Variants in RBBP8 observed in about 807,000 individuals in gnomAD.
RBBP8 encodes RB binding protein 8, endonuclease, also known as DNA endonuclease RBBP8.
RBBP8 carries 88 observed loss-of-function variants against 108.3 expected under a neutral mutation model. That is an observed-to-expected ratio of 0.81 (90% CI 0.68 to 0.97). RBBP8 has a LOEUF of 0.97. Ranked by LOEUF, RBBP8 falls within the 50% of genes least tolerant of loss-of-function variation. The probability of loss-of-function intolerance (pLI) is 0.00; values close to 1 mark genes in which losing one functional copy is unlikely to be tolerated. For synonymous variants in RBBP8, 332 were observed against 348.2 expected, an observed-to-expected ratio of 0.95 and a Z score of 0.52; for missense variants, 1,023 against 1,049.0, an observed-to-expected ratio of 0.98 and a Z score of 0.34.
chr18:22,978,017 A>G (rs986359927), intron 6 of RBBP8: 1 of 152,204 alleles, frequency 6.6e-6, no homozygotes, highest in Admixed American at 6.5e-5. Context: ...TAAGAAATCA[A>G]TATTCTAGGT....
At chr18:22,938,897 TAAA>T (rs1910812961) in intron 2 of RBBP8, among the ~76,000 whole-genome samples, 1 of 152,208 alleles carries the variant, frequency 6.6e-6, no homozygotes, top group African/African-American at 2.4e-5. Context: ...AAATAACAGT[TAAA>T]AGGTTTTTAT....
intron 14 of RBBP8, among the ~76,000 whole-genome samples, chr18:22,998,914 A>G (rs1468456428): frequency 1.3e-5 from 2 of 152,326 alleles, no homozygotes; most frequent in African/African-American, 4.8e-5. Flanking sequence ...TTGCCATTTT[A>G]TGGCTTGTAT....
intron 3 of RBBP8, among the ~76,000 whole-genome samples, chr18:22,924,303 GT>G (rs1202618134): frequency 1.3e-5 from 2 of 150,980 alleles, no homozygotes; most frequent in Non-Finnish European, 3.0e-5. Context: ...TAATTTTTGT[GT>G]TTTTAGTAGA....
At chr18:22,999,542 C>T (rs1256386574) in intron 14 of RBBP8, among the ~76,000 whole-genome samples, 1 of 151,864 alleles carries the variant, frequency 6.6e-6, no homozygotes, top group Non-Finnish European at 1.5e-5. Flanking sequence ...TCTGCACAGG[C>T]ATAAAGCGAA....
chr18:22,937,077 T>C, intron 2 of RBBP8, 117 bp downstream of exon 2: 1 of 1,520,136 alleles, frequency 6.6e-7, no homozygotes, highest in Non-Finnish European at 8.8e-7. Flanking sequence ...GTTCCGGGGG[T>C]ACATGTGCAG....
chr18:23,017,425 G>A (rs1033944089), intron 17 of RBBP8, among the ~76,000 whole-genome samples: 3 of 151,318 alleles, frequency 2.0e-5, no homozygotes, highest in South Asian at 2.1e-4. Flanking sequence ...AGGCCAAGGC[G>A]GGCGGATCAC....
chr18:22,964,630 T>TTTTTA (rs546091335), intron 4 of RBBP8, among the ~76,000 whole-genome samples: 4,762 of 150,732 alleles, frequency 0.032, 92 homozygotes, highest in South Asian at 0.058. Context: ...TAATTTTTAA[T>TTTTTA]TTTTATTTTA....
At chr18:23,024,983 C>T (rs2046430276) in intron 18 of RBBP8, among the ~76,000 whole-genome samples, 1 of 152,204 alleles carries the variant, frequency 6.6e-6, no homozygotes, top group African/African-American at 2.4e-5. Context: ...CACAGTATCT[C>T]ACACCTATAA....
intron 2 of RBBP8, among the ~76,000 whole-genome samples, chr18:22,942,537 G>A (rs1462916736): frequency 6.6e-5 from 10 of 151,992 alleles, no homozygotes; most frequent in South Asian, 2.1e-4. Flanking sequence ...ATTTATGACC[G>A]AGTTTTTATA....
chr18:23,002,260 T>A (rs1199658820), intron 15 of RBBP8, among the ~76,000 whole-genome samples: 4 of 152,024 alleles, frequency 2.6e-5, no homozygotes, highest in Admixed American at 2.6e-4. Flanking sequence ...CTACAAAAAT[T>A]AGCTCGGCAT....
At chr18:23,025,783 A>G (rs2046441612) in intron 18 of RBBP8, among the ~76,000 whole-genome samples, 1 of 152,214 alleles carries the variant, frequency 6.6e-6, no homozygotes, top group South Asian at 2.1e-4. Context: ...TGGAATAAGA[A>G]AGAGCTTGGG....
At chr18:22,994,964 C>G (rs2144715613) in intron 12 of RBBP8, among the ~76,000 whole-genome samples, 1 of 151,718 alleles carries the variant, frequency 6.6e-6, no homozygotes, top group Non-Finnish European at 1.5e-5. Flanking sequence ...GGACTCAAGC[C>G]ATCTGCCTGC....
At chr18:23,002,377 C>T (rs1295049140) in intron 15 of RBBP8, among the ~76,000 whole-genome samples, 2 of 152,066 alleles carry the variant, frequency 1.3e-5, no homozygotes, top group Admixed American at 1.3e-4. Context: ...TGTACTTCAG[C>T]CTGGGCGACA....
intron 6 of RBBP8, among the ~76,000 whole-genome samples, chr18:22,980,948 G>A (rs1370943277): frequency 7.0e-6 from 1 of 142,588 alleles, no homozygotes; most frequent in Non-Finnish European, 1.5e-5. Context: ...GGAATTGTAG[G>A]TGTGAGCCAC....
intron 14 of RBBP8, 123 bp from the exon 15 acceptor site, chr18:23,001,463 A>G (rs2144743218): frequency 9.0e-7 from 1 of 1,115,604 alleles, no homozygotes; most frequent in Non-Finnish European, 1.4e-6. Flanking sequence ...TAACAACCGT[A>G]TTTTAAGAAG....
intron 4 of RBBP8, among the ~76,000 whole-genome samples, chr18:22,968,490 C>G (rs1471721247): frequency 6.6e-6 from 1 of 152,192 alleles, no homozygotes; most frequent in South Asian, 2.1e-4. Flanking sequence ...AGGTATAATT[C>G]TACCCCTTGG....
intron 3 of RBBP8, among the ~76,000 whole-genome samples, chr18:22,922,105 C>T (rs1395502023): frequency 3.9e-5 from 6 of 151,994 alleles, no homozygotes; most frequent in Non-Finnish European, 7.4e-5. Flanking sequence ...TATATGAAGG[C>T]TCTAGTCAAG....
At chr18:22,945,274 A>C (rs185083662) in intron 2 of RBBP8, among the ~76,000 whole-genome samples, 3 of 152,210 alleles carry the variant, frequency 2.0e-5, no homozygotes, top group African/African-American at 7.2e-5. Context: ...AATGGGGAGC[A>C]TAGAGAAAAT....
At chr18:22,989,075 T>A (rs748220139) in intron 8 of RBBP8, 146 bp from the exon 9 acceptor site, 18 of 569,106 alleles carry the variant, frequency 3.2e-5, no homozygotes, top group Non-Finnish European at 4.8e-5. Flanking sequence ...TTGGACTTTT[T>A]GCACAGAATT....
Sources: gnomAD v4.1 joint callset for allele counts (sites outside exome capture counted in the v4.1 genomes callset) on GRCh38, gnomAD v4.1.1 for gene constraint, MANE v1.5 for transcripts, NCBI Gene and HGNC (gene_info 2026-07-23, HGNC 2026-07-21) for gene names.